RARB: variants seen among roughly 807,000 people sequenced by gnomAD.
RARB encodes the protein HBV-activated protein.
A neutral mutation model predicts 51.9 loss-of-function variants in RARB; 17 were observed. That is an observed-to-expected ratio of 0.33 (90% CI 0.22 to 0.49). RARB has a LOEUF of 0.49. Among genes scored for constraint, RARB ranks in the 20% least tolerant of loss-of-function variants. The pLI is 0.99. For synonymous variants in RARB, 215 were observed against 195.4 expected, an observed-to-expected ratio of 1.10 and a Z score of -0.84; for missense variants, 369 against 550.8, an observed-to-expected ratio of 0.67 and a Z score of 3.30.
intron 3 of RARB, among the ~76,000 whole-genome samples, chr3:25,130,756 T>C (rs955032592): frequency 1.4e-4 from 21 of 152,008 alleles, no homozygotes; most frequent in African/African-American, 4.8e-4. Context: ...GTCTCACTCA[T>C]CTTGCTATCT....
At chr3:25,165,384 G>A (rs1700543760) in intron 4 of RARB, among the ~76,000 whole-genome samples, 1 of 151,926 alleles carries the variant, frequency 6.6e-6, no homozygotes, top group Non-Finnish European at 1.5e-5. Context: ...GGTGTCTTAG[G>A]CATTCAAAAC....
Position 25,107,256 on chromosome 3 carries a change from A to G in RARB, c.-327-24905A>G, listed in dbSNP as rs929608896. 4.6e-5 allele frequency among the ~76,000 whole-genome samples: 7 copies of G among 152,102 alleles called. No individual in the cohort carries two copies. The East Asian group carries it at 5.8e-4, about 13-fold the overall frequency. On this transcript the variant is annotated intron_variant, in intron 3 of 11. Coordinates refer to the RARB transcript ENST00000383772. ...TCAGATGCCAGTACTTCTATCAGTTATCTTATATGCAGATACATTGTGCTC... is the reference window on the plus strand; with the variant it reads ...TCAGATGCCAGTACTTCTATCAGTTGTCTTATATGCAGATACATTGTGCTC...
intron 3 of RARB, among the ~76,000 whole-genome samples, chr3:25,504,533 C>G (rs1697473568): frequency 6.6e-6 from 1 of 152,044 alleles, no homozygotes; most frequent in Non-Finnish European, 1.5e-5. Flanking sequence ...TTCACCCAAA[C>G]CATGTGGGTG....
At chr3:25,259,824 G>C (rs1465024798) in intron 5 of RARB, 1 of 808,732 alleles carries the variant, frequency 1.2e-6, no homozygotes, top group Non-Finnish European at 1.5e-6. Flanking sequence ...CCTCAGTAAA[G>C]TCAGAGCTCT....
At chr3:25,190,879 C>CA (rs1211483616) in intron 5 of RARB, among the ~76,000 whole-genome samples, 3 of 151,750 alleles carry the variant, frequency 2.0e-5, no homozygotes, top group African/African-American at 7.2e-5. Flanking sequence ...GATGTGCCAT[C>CA]AAAAAAAATC....
intron 4 of RARB, among the ~76,000 whole-genome samples, chr3:25,132,241 C>A (rs1386004969): frequency 6.6e-6 from 1 of 151,758 alleles, no homozygotes; most frequent in African/African-American, 2.4e-5. Context: ...TGCTCATAAT[C>A]ATGGGAAAAG....
chr3:25,188,887 T>C (rs985294522), intron 5 of RARB, among the ~76,000 whole-genome samples: 3 of 152,100 alleles, frequency 2.0e-5, no homozygotes, highest in African/African-American at 7.2e-5. Flanking sequence ...ATGAGGACAT[T>C]TGGGGAAAGA....
At chr3:24,873,902 G>A (rs539763176) in intron 2 of RARB, among the ~76,000 whole-genome samples, 1 of 152,082 alleles carries the variant, frequency 6.6e-6, no homozygotes, top group South Asian at 2.1e-4. Context: ...TGTACCCATA[G>A]GTTTTGCATC....
chr3:25,057,550 G>A (rs1360282954), intron 2 of RARB, among the ~76,000 whole-genome samples: 1 of 151,982 alleles, frequency 6.6e-6, no homozygotes, highest in Non-Finnish European at 1.5e-5. Context: ...AGCTAATTGA[G>A]TAACTTTGAA....
At chr3:25,439,704 T>G (rs1252417126) in intron 1 of RARB, among the ~76,000 whole-genome samples, 2 of 152,206 alleles carry the variant, frequency 1.3e-5, no homozygotes, top group East Asian at 3.9e-4. Flanking sequence ...CGCTCAAATA[T>G]GTCTTAAATG....
intron 5 of RARB, among the ~76,000 whole-genome samples, chr3:25,265,652 T>C (rs371844888): frequency 6.6e-6 from 1 of 152,128 alleles, no homozygotes; most frequent in South Asian, 2.1e-4. Context: ...TTTGTATTTT[T>C]GTAGACACAG....
intron 2 of RARB, among the ~76,000 whole-genome samples, chr3:25,017,060 G>C (rs770610863): frequency 6.6e-6 from 1 of 152,144 alleles, no homozygotes; most frequent in Non-Finnish European, 1.5e-5. Context: ...AAGGAGAAAG[G>C]AATTAGGCTC....
chr3:25,152,627 G>A (rs541818219), intron 4 of RARB, among the ~76,000 whole-genome samples: 85 of 152,012 alleles, frequency 5.6e-4, no homozygotes, highest in Non-Finnish European at 1.0e-3. Flanking sequence ...TTATGTTTAC[G>A]TACACATACA....
intron 3 of RARB, among the ~76,000 whole-genome samples, chr3:25,106,447 TTTTG>T (rs1277767320): frequency 6.9e-5 from 6 of 87,558 alleles, no homozygotes; most frequent in Admixed American, 3.2e-4. Flanking sequence ...AGCTACTGTT[TTTTG>T]TTTTTTGTTT....
intron 3 of RARB, among the ~76,000 whole-genome samples, chr3:25,551,113 G>C (rs572720216): frequency 2.0e-3 from 300 of 152,212 alleles, no homozygotes; most frequent in South Asian, 0.011. Flanking sequence ...TGAAGGGCAG[G>C]GTCTTAGCAG....
At position 25,535,411 on chromosome 3, in the gene RARB, CT is replaced by C. The variant is rs3074714; in HGVS notation, c.448+34103del. On this transcript the variant is annotated intron_variant, in intron 3 of 7. Coordinates refer to ENST00000330688, the MANE Select transcript of RARB (RefSeq NM_000965.5). Reference sequence around the variant, plus strand: ...TCTTCATGTCTCTGTGTCCTTATCTCTTTTTTTTTTTTTTTATGCTTTAGGT... The same window carrying C: ...TCTTCATGTCTCTGTGTCCTTATCTCTTTTTTTTTTTTTTATGCTTTAGGT... Among the ~76,000 whole-genome samples the C allele has an allele frequency of 6.2e-3, 856 of 138,076 alleles. 2 individuals carry two copies. Among genetic ancestry groups the C allele is most frequent in the African/African-American group, 0.013 (478 of 37,608 alleles). 90.6% of individuals were successfully genotyped at this position (138,076 alleles called of 152,430 possible).
intron 5 of RARB, among the ~76,000 whole-genome samples, chr3:25,287,575 G>C (rs1559344921): frequency 6.6e-6 from 1 of 152,124 alleles, no homozygotes; most frequent in Non-Finnish European, 1.5e-5. Flanking sequence ...TTAGTATTGG[G>C]CCAAGCAGGC....
rs547388274 is a variant in RARB at position 24,975,543 on chromosome 3, T to A, written c.-379-84582T>A. On this transcript the variant is annotated intron_variant, in intron 2 of 11. Transcript: ENST00000383772. ...AGAAAGAGAATACATACATTTAATT[T>A]TTCTATAATTTGCTCTAACATCCCT... 9.1e-4 allele frequency among the ~76,000 whole-genome samples: 138 copies of A among 152,282 alleles called. 1 individual carries two copies. The highest frequency in any genetic ancestry group is 1.8e-3 in the Non-Finnish European group (124 of 68,012).
intron 3 of RARB, among the ~76,000 whole-genome samples, chr3:25,109,633 T>C (rs751352247): frequency 2.0e-5 from 3 of 152,184 alleles, no homozygotes; most frequent in Non-Finnish European, 4.4e-5. Context: ...GCAACCACAT[T>C]CATCATTTCC....
Sources: gnomAD v4.1 joint callset for allele counts (sites outside exome capture counted in the v4.1 genomes callset) on GRCh38, gnomAD v4.1.1 for gene constraint, MANE v1.5 for transcripts, NCBI Gene and HGNC (gene_info 2026-07-23, HGNC 2026-07-21) for gene names.